SLCO2A1: variants seen among roughly 807,000 people sequenced by gnomAD.
SLCO2A1 encodes solute carrier organic anion transporter family member 2A1, also known as matrin F/G 1.
SLCO2A1 carries 60 observed loss-of-function variants against 71.7 expected under a neutral mutation model. The ratio of observed to expected loss-of-function variants is 0.84; its 90% confidence interval spans 0.68 to 1.04. The LOEUF (loss-of-function observed/expected upper bound fraction) is 1.04, where lower values mean the gene tolerates loss of function less well. SLCO2A1 is among the 50% of genes least tolerant of loss of function. The pLI, the probability that SLCO2A1 is intolerant of heterozygous loss-of-function variation, is 0.00. For missense variants in SLCO2A1, 745 were observed against 813.4 expected (o/e 0.92, Z 1.02); for synonymous variants, 308 against 326.7 (o/e 0.94, Z 0.62).
chr3:133,955,434 T>A, intron 3 of SLCO2A1: 1 of 538,074 alleles, frequency 1.9e-6, no homozygotes, highest in Non-Finnish European at 3.3e-6. Context: ...CAGGAGCTGC[T>A]ATTTCTCAGG....
chr3:134,013,187 GCTCA>G (rs1935375234), intron 1 of SLCO2A1, among the ~76,000 whole-genome samples: 1 of 152,150 alleles, frequency 6.6e-6, no homozygotes, highest in Non-Finnish European at 1.5e-5. Context: ...CTCAATAAAT[GCTCA>G]CTGAGTGAGT....
chr3:133,938,944 C>G (rs1304229732), intron 11 of SLCO2A1, among the ~76,000 whole-genome samples: 1 of 151,964 alleles, frequency 6.6e-6, no homozygotes, highest in Non-Finnish European at 1.5e-5. Flanking sequence ...TGAACAACTC[C>G]CACAGAATGT....
rs1431864538 is a variant in SLCO2A1, at chr3:133,935,757, A to G, written c.1814+17T>C. 5 of 1,578,584 alleles carry G rather than the reference A, an allele frequency of 3.2e-6. No individual in the cohort carries two copies. The Admixed American group carries it at 8.7e-5, about 27-fold the overall frequency. ...CAGGGCCTGGCTCTGGGACACACATACATGATGGGCCCTCACCTGTCTCGG... is the reference window on the plus strand; with the variant it reads ...CAGGGCCTGGCTCTGGGACACACATGCATGATGGGCCCTCACCTGTCTCGG... On this transcript the variant is annotated intron_variant, in intron 13 of 13. Transcript: ENST00000310926.
At chr3:133,977,868 G>A (rs894182846) in intron 2 of SLCO2A1, among the ~76,000 whole-genome samples, 2 of 152,048 alleles carry the variant, frequency 1.3e-5, no homozygotes, top group African/African-American at 4.8e-5. Flanking sequence ...CAACCACACA[G>A]TCAGGCAGAC....
intron 2 of SLCO2A1, among the ~76,000 whole-genome samples, chr3:133,978,182 C>G (rs1298858096): frequency 6.6e-6 from 1 of 152,162 alleles, no homozygotes; most frequent in African/African-American, 2.4e-5. Context: ...GAGGTTGAGA[C>G]TGGCTGGAGC....
chr3:134,024,664 C>A (rs1466522613), intron 1 of SLCO2A1, among the ~76,000 whole-genome samples: 2 of 152,322 alleles, frequency 1.3e-5, no homozygotes, highest in East Asian at 3.9e-4. Flanking sequence ...GCCCTAGCAG[C>A]AACAAGGGCC....
chr3:134,021,102 C>T (rs1485629359), intron 1 of SLCO2A1, among the ~76,000 whole-genome samples: 1 of 152,202 alleles, frequency 6.6e-6, no homozygotes, highest in Admixed American at 6.5e-5. Flanking sequence ...GCTTGGATTT[C>T]TGGATACTCT....
At chr3:133,955,216 T>G (rs1236495123) in intron 3 of SLCO2A1, 23 bp from the exon 4 acceptor site, 1 of 1,595,694 alleles carries the variant, frequency 6.3e-7, no homozygotes, top group Non-Finnish European at 8.6e-7. Flanking sequence ...TGCTTGCTGG[T>G]CTCCACCACC....
At chr3:133,988,621 T>G (rs528961363) in intron 1 of SLCO2A1, among the ~76,000 whole-genome samples, 1 of 152,340 alleles carries the variant, frequency 6.6e-6, no homozygotes, top group Non-Finnish European at 1.5e-5. Context: ...GAGCCAGAGT[T>G]TGACTCTTTT....
chr3:133,991,504 A>G (rs1934844648), intron 1 of SLCO2A1, among the ~76,000 whole-genome samples: 1 of 152,268 alleles, frequency 6.6e-6, no homozygotes, highest in African/African-American at 2.4e-5. Context: ...CCTGGGGTCA[A>G]AGTTGGTGAT....
intron 1 of SLCO2A1, among the ~76,000 whole-genome samples, chr3:133,986,417 G>A (rs953121676): frequency 3.3e-5 from 5 of 152,210 alleles, no homozygotes; most frequent in East Asian, 3.8e-4. Context: ...AGGGCTGTGC[G>A]TGTGTGTTAA....
chr3:133,938,213 T>C (rs980232576), intron 12 of SLCO2A1, among the ~76,000 whole-genome samples: 19 of 152,218 alleles, frequency 1.2e-4, no homozygotes, highest in African/African-American at 4.6e-4. Flanking sequence ...TTACATAACT[T>C]AGTTAGGAAT....
intron 4 of SLCO2A1, among the ~76,000 whole-genome samples, chr3:133,954,579 T>C (rs1933835153): frequency 6.6e-6 from 1 of 152,194 alleles, no homozygotes; most frequent in African/African-American, 2.4e-5. Context: ...AGAAGATATG[T>C]GTGTCCTGGC....
chr3:133,936,877 A>G (rs533333704), intron 12 of SLCO2A1, among the ~76,000 whole-genome samples: 1 of 152,246 alleles, frequency 6.6e-6, no homozygotes, highest in South Asian at 2.1e-4. Flanking sequence ...GATATATGAC[A>G]CTTCCTTATG....
chr3:133,985,092 G>T (rs920901897), intron 1 of SLCO2A1, among the ~76,000 whole-genome samples: 2 of 152,070 alleles, frequency 1.3e-5, no homozygotes, highest in Admixed American at 6.6e-5. Flanking sequence ...TTAACTTCCC[G>T]GTTGCTTTCA....
intron 6 of SLCO2A1, among the ~76,000 whole-genome samples, chr3:133,950,354 G>A (rs1933711203): frequency 6.6e-6 from 1 of 152,214 alleles, no homozygotes. Context: ...TTGAAGCCTA[G>A]GCATAAACTT....
At position 133,942,713 on chromosome 3, in the gene SLCO2A1, G is replaced by T. The variant is rs142346133; in HGVS notation, c.1517C>A (p.Ser506Ter). 3 of 1,613,628 alleles carry T rather than the reference G, an allele frequency of 1.9e-6. No homozygotes were observed. The highest frequency in any genetic ancestry group is 2.5e-6 in the Non-Finnish European group (3 of 1,179,806). Reference protein sequence around the residue: ...TGGSASAKTGSCPVPCAHFLL... With the variant: ...TGGSASAKTG ...GAAGTGGGCACAGGGGACAGGGCACGATCCTGTCTTTGCTGAAGCGGATCC... is the reference window on the plus strand; with the variant it reads ...GAAGTGGGCACAGGGGACAGGGCACTATCCTGTCTTTGCTGAAGCGGATCC... Residue 506 changes from serine to a stop codon, truncating the protein, a stop_gained, in exon 11 of 14, where the codon TCG (serine) becomes TAG (stop). Coordinates refer to ENST00000310926, the MANE Select transcript of SLCO2A1 (RefSeq NM_005630.3). LOFTEE classifies it high-confidence loss of function.
intron 1 of SLCO2A1, among the ~76,000 whole-genome samples, chr3:133,985,260 A>G (rs1179641357): frequency 1.3e-5 from 2 of 152,212 alleles, no homozygotes; most frequent in East Asian, 1.9e-4. Context: ...GTGCAATCAC[A>G]TTTGCATATT....
rs751421805 is a variant in SLCO2A1 at position 133,947,396 on chromosome 3, G to A, written c.1155C>T (p.Ile385=). ...GAGAGAAAACAAAGCGCTTCATGAG[G>A]ATTCCTCCAAACAGCATCCCCAAGG... ...AAALGMLFGG[I]LMKRFVFSLQ... Residue 385 remains isoleucine (I), a synonymous_variant, in exon 9 of 14, where the codon ATC becomes ATT. Transcript: ENST00000310926. The A allele has an allele frequency of 6.2e-7, 1 of 1,613,934 alleles. No individual in the cohort carries two copies. Among genetic ancestry groups the A allele is most frequent in the Non-Finnish European group, 8.5e-7 (1 of 1,179,986 alleles).
Sources: gnomAD v4.1 joint callset for allele counts (sites outside exome capture counted in the v4.1 genomes callset) on GRCh38, gnomAD v4.1.1 for gene constraint, MANE v1.5 for transcripts, NCBI Gene and HGNC (gene_info 2026-07-23, HGNC 2026-07-21) for gene names.